Variants in RBMS3 observed in about 807,000 individuals in gnomAD.
RBMS3 encodes the protein RNA-binding motif, single-stranded-interacting protein 3.
RBMS3 carries 27 observed loss-of-function variants against 66.8 expected under a neutral mutation model. The ratio of observed to expected loss-of-function variants is 0.40; its 90% CI spans 0.30 to 0.56. The LOEUF (loss-of-function observed/expected upper bound fraction) is 0.56, where lower values mean the gene tolerates loss of function less well. Ranked by LOEUF, RBMS3 falls within the 20% of genes least tolerant of loss-of-function variation. The pLI, the probability that RBMS3 is intolerant of heterozygous loss-of-function variation, is 0.40. For missense variants in RBMS3, 513 were observed against 549.5 expected (o/e 0.93, Z 0.66); for synonymous variants, 188 against 183.0 (o/e 1.03, Z -0.22).
chr3:29,439,896 T>TA (rs2041551878), intron 2 of RBMS3, among the ~76,000 whole-genome samples: 1 of 152,206 alleles, frequency 6.6e-6, no homozygotes, highest in Admixed American at 6.5e-5. Flanking sequence ...GGATGGATGA[T>TA]CAGTTGAAGA....
At chr3:29,470,308 A>G (rs966008582) in intron 2 of RBMS3, among the ~76,000 whole-genome samples, 2 of 152,006 alleles carry the variant, frequency 1.3e-5, no homozygotes, top group Admixed American at 6.6e-5. Context: ...TTGAAATTCT[A>G]TAGTTTCAAA....
chr3:29,771,510 T>C (rs2056196670), intron 6 of RBMS3, among the ~76,000 whole-genome samples: 1 of 152,026 alleles, frequency 6.6e-6, no homozygotes, highest in South Asian at 2.1e-4. Context: ...CCCCAGAACC[T>C]GTAAATATGT....
intron 4 of RBMS3, among the ~76,000 whole-genome samples, chr3:29,715,954 T>G (rs1049956994): frequency 6.6e-6 from 1 of 152,136 alleles, no homozygotes; most frequent in Admixed American, 6.6e-5. Context: ...CCATATTATT[T>G]CTGGGAAGTT....
chr3:29,685,573 T>G (rs1407924011), intron 4 of RBMS3, among the ~76,000 whole-genome samples: 1 of 152,112 alleles, frequency 6.6e-6, no homozygotes, highest in African/African-American at 2.4e-5. Context: ...GGTTTCCTCC[T>G]TCCCTCAGGT....
intron 3 of RBMS3, among the ~76,000 whole-genome samples, chr3:29,494,404 G>A (rs1334713993): frequency 6.6e-6 from 1 of 152,116 alleles, no homozygotes; most frequent in African/African-American, 2.4e-5. Flanking sequence ...CTTGGGTGGT[G>A]GCTGCATCAG....
chr3:29,800,257 C>G (rs1167367970), intron 6 of RBMS3, among the ~76,000 whole-genome samples: 11 of 151,996 alleles, frequency 7.2e-5, no homozygotes, highest in Non-Finnish European at 1.6e-4. Flanking sequence ...TTTCCCCCTC[C>G]TCCATTTTTA....
At chr3:29,766,748 C>T (rs2055945127) in intron 6 of RBMS3, 2 of 151,742 alleles carry the variant, frequency 1.3e-5, no homozygotes, top group Non-Finnish European at 2.9e-5. Context: ...AATATACATG[C>T]CAAAAATCAA....
At chr3:29,426,284 A>G (rs553463540) in intron 1 of RBMS3, among the ~76,000 whole-genome samples, 1 of 152,150 alleles carries the variant, frequency 6.6e-6, no homozygotes, top group African/African-American at 2.4e-5. Flanking sequence ...TCTTTATAAA[A>G]CTCCATTGAT....
Position 29,991,075 on chromosome 3 carries a change from T to A in RBMS3, c.1180-7T>A. On this transcript the variant is annotated splice_region_variant and splice_polypyrimidine_tract_variant and intron_variant, in intron 13 of 14. Transcript: ENST00000383767. ...TAAGGCTTTTATGTTCTTATTTGCC[T>A]CCTTAGGGTGTTGTTGCTGATACCT... 1 of 1,613,974 alleles carries A rather than the reference T, an allele frequency of 6.2e-7. No individual in the cohort carries two copies. The highest frequency in any genetic ancestry group is 8.5e-7 in the Non-Finnish European group (1 of 1,179,918).
intron 4 of RBMS3, chr3:29,698,149 A>AAATT (rs2052366573): frequency 1.1e-6 from 1 of 940,730 alleles, no homozygotes; most frequent in African/African-American, 1.8e-5. Flanking sequence ...CATTCCAGTG[A>AAATT]AATTAATGCT....
rs796667526 is a variant in RBMS3, at chr3:29,711,149, TTAAC to T, written c.400-28567_400-28564del. On this transcript the variant is annotated intron_variant, in intron 4 of 14. Coordinates refer to ENST00000383767, the MANE Select transcript of RBMS3 (RefSeq NM_001003793.3). ...TTTATAAATTAGGCACAATAAGAGATTAACTAATAATAAAAGAGGACAATTGTAA... is the reference window on the plus strand; with the variant it reads ...TTTATAAATTAGGCACAATAAGAGATTAATAATAAAAGAGGACAATTGTAA... Among the ~76,000 whole-genome samples the T allele has an allele frequency of 1.4e-4, 21 of 152,298 alleles. 1 individual carries two copies. The highest frequency in any genetic ancestry group is 3.1e-4 in the African/African-American group (13 of 41,566).
At chr3:29,571,644 T>TA (rs1226741842) in intron 3 of RBMS3, among the ~76,000 whole-genome samples, 9 of 152,172 alleles carry the variant, frequency 5.9e-5, no homozygotes, top group African/African-American at 1.9e-4. Flanking sequence ...TGTCTGTTTT[T>TA]ATGCCAGTAC....
At chr3:29,677,749 G>A (rs947407992) in intron 4 of RBMS3, among the ~76,000 whole-genome samples, 1 of 151,826 alleles carries the variant, frequency 6.6e-6, no homozygotes, top group Non-Finnish European at 1.5e-5. Context: ...TTTTCCACAG[G>A]CAGTCTAGGA....
intron 1 of RBMS3, among the ~76,000 whole-genome samples, chr3:29,375,676 G>A (rs777241943): frequency 6.6e-6 from 1 of 152,126 alleles, no homozygotes; most frequent in East Asian, 1.9e-4. Flanking sequence ...AACCAGAATG[G>A]TTATTATTAA....
chr3:29,874,211 G>T (rs971552762), intron 7 of RBMS3, among the ~76,000 whole-genome samples: 4 of 152,144 alleles, frequency 2.6e-5, no homozygotes, highest in African/African-American at 9.7e-5. Flanking sequence ...CATATGGGGT[G>T]CAATTGAATT....
intron 4 of RBMS3, among the ~76,000 whole-genome samples, chr3:29,644,796 T>C (rs954885029): frequency 6.6e-6 from 1 of 152,190 alleles, no homozygotes; most frequent in South Asian, 2.1e-4. Context: ...TTTTTATCGA[T>C]GGTTCCATGA....
At chr3:29,691,911 A>T (rs2052026130) in intron 4 of RBMS3, among the ~76,000 whole-genome samples, 1 of 143,224 alleles carries the variant, frequency 7.0e-6, no homozygotes, top group Non-Finnish European at 1.5e-5. Flanking sequence ...TTAAGTATAA[A>T]TCTTATTTAT....
intron 6 of RBMS3, among the ~76,000 whole-genome samples, chr3:29,833,950 A>C (rs149013239): frequency 2.1e-4 from 32 of 152,210 alleles, no homozygotes; most frequent in South Asian, 6.2e-4. Context: ...CATGCTTATC[A>C]CATATAAGAG....
intron 3 of RBMS3, among the ~76,000 whole-genome samples, chr3:29,544,082 T>C (rs924505990): frequency 3.3e-5 from 5 of 152,204 alleles, no homozygotes; most frequent in African/African-American, 9.6e-5. Context: ...CAAGTTGTCA[T>C]TGCTTCCCTA....
Sources: allele counts gnomAD v4.1 joint callset (sites outside exome capture counted in the v4.1 genomes callset), GRCh38; gene constraint gnomAD v4.1.1; transcripts MANE v1.5; gene names NCBI Gene and HGNC (gene_info 2026-07-23, HGNC 2026-07-21).